Variants in SLC25A46 observed in about 807,000 individuals in gnomAD.
SLC25A46 encodes the protein mitochondrial outer membrane protein SLC25A46.
A neutral mutation model predicts 44.6 loss-of-function variants in SLC25A46; 39 were observed. That is an observed-to-expected ratio of 0.87 (90% confidence interval 0.68 to 1.14). The LOEUF (loss-of-function observed/expected upper bound fraction) is 1.14. Ranked by LOEUF, SLC25A46 falls within the 50% of genes most tolerant of loss-of-function variation. The pLI is 0.00. For synonymous variants in SLC25A46, 202 were observed against 185.8 expected, an observed-to-expected ratio of 1.09 and a Z score of -0.71; for missense variants, 547 against 522.7, an observed-to-expected ratio of 1.05 and a Z score of -0.45.
intron 1 of SLC25A46, among the ~76,000 whole-genome samples, chr5:110,740,416 C>A (rs1799633341): frequency 6.6e-6 from 1 of 152,056 alleles, no homozygotes; most frequent in Non-Finnish European, 1.5e-5. Context: ...AGCTAATTGT[C>A]ATACAATTAG....
intron 4 of SLC25A46, among the ~76,000 whole-genome samples, 178 bp downstream of exon 4, chr5:110,746,524 G>C (rs1014300515): frequency 5.3e-5 from 8 of 152,176 alleles, no homozygotes; most frequent in African/African-American, 1.9e-4. Context: ...TTTAGCAAAA[G>C]TACAATTTAA....
rs1427045864 is a variant in SLC25A46 at position 110,762,473 on chromosome 5, T to G, written c.*691T>G. Reference sequence around the variant, plus strand: ...AAAACAAAGTCACGCGCTTTCTGCTTGAACATCAAAATATCAAAAACCAAG... The same window carrying G: ...AAAACAAAGTCACGCGCTTTCTGCTGGAACATCAAAATATCAAAAACCAAG... On this transcript the variant is annotated 3_prime_UTR_variant, in exon 8 of 8. Coordinates refer to ENST00000355943, the MANE Select transcript of SLC25A46 (RefSeq NM_138773.4). The G allele has an allele frequency of 6.6e-6, 1 of 151,722 alleles. No homozygotes were observed. Among genetic ancestry groups the G allele is most frequent in the Non-Finnish European group, 1.5e-5 (1 of 67,888 alleles). The allele number at this position is 151,722 out of a possible 1,614,324, so 9.4% of individuals were successfully genotyped here. A position where few individuals can be genotyped will look rare whatever the true frequency, so the allele number is the denominator to read the frequency against.
upstream of SLC25A46, chr5:110,738,152 C>T (rs978183162): frequency 1.7e-6 from 2 of 1,159,796 alleles, no homozygotes; most frequent in Admixed American, 3.1e-5. Flanking sequence ...CCTGGGCTTC[C>T]AACGAGTTGA....
At chr5:110,758,560 C>G (rs1261482451) in intron 7 of SLC25A46, among the ~76,000 whole-genome samples, 1 of 151,794 alleles carries the variant, frequency 6.6e-6, no homozygotes, top group Non-Finnish European at 1.5e-5. Flanking sequence ...CCTAGGTGGG[C>G]GGATCATGAG....
intron 5 of SLC25A46, 73 bp downstream of exon 5, chr5:110,748,336 C>T: frequency 3.3e-6 from 4 of 1,203,656 alleles, no homozygotes; most frequent in Non-Finnish European, 4.9e-6. Flanking sequence ...GGTACATGTG[C>T]AGGCTTGTTA....
At chr5:110,756,495 A>AT (rs1279986282) in intron 6 of SLC25A46, among the ~76,000 whole-genome samples, 12 of 152,070 alleles carry the variant, frequency 7.9e-5, no homozygotes, top group South Asian at 2.1e-4. Context: ...TTATCATTTG[A>AT]TTTTTTCATC....
rs1229680117 is a variant in SLC25A46, at chr5:110,761,595, A to C, written c.1070A>C (p.Tyr357Ser). 1.9e-6 allele frequency: 3 copies of C among 1,613,664 alleles called. No individual in the cohort carries two copies. In the African/African-American group the frequency reaches 4.0e-5, roughly 22 times the overall value. The change falls in exon 8 of 8, where the codon TAT becomes TCT. Residue 357 changes from tyrosine (Y) to serine (S), a missense_variant. Transcript: ENST00000355943. The surrounding 1 kb of genome is among the most constrained non-coding windows in gnomAD (Gnocchi z 5.3). ...RTIIDNTDLG[Y>S]EVLPINTQYE... ...ATAATTGACAATACAGACCTTGGCT[A>C]TGAAGTGCTTCCAATTAATACACAA...
intron 2 of SLC25A46, among the ~76,000 whole-genome samples, chr5:110,742,398 C>T (rs1254367511): frequency 6.6e-6 from 1 of 151,966 alleles, no homozygotes; most frequent in Non-Finnish European, 1.5e-5. Context: ...ATCTCTCTCC[C>T]ATCAAAATAA....
Position 110,739,064 on chromosome 5 carries a change from G to C in SLC25A46, c.-56G>C. 1.3e-6 allele frequency: 2 copies of C among 1,526,746 alleles called. No homozygotes were observed. The highest frequency in any genetic ancestry group is 2.1e-5 in the Admixed American group (1 of 46,964). The allele number at this position is 1,526,746 out of a possible 1,614,324, so 94.6% of individuals were successfully genotyped here. ...GGAAGCTGTGTGTGCTTAGGTCGTG[G>C]TGGCCCCGGTGGTGGTGGGCTCCGG... On this transcript the variant is annotated 5_prime_UTR_variant, in exon 1 of 8. Coordinates refer to ENST00000355943, the MANE Select transcript of SLC25A46 (RefSeq NM_138773.4).
At chr5:110,738,318 T>TTA (rs1424908699), upstream of SLC25A46, 1 of 1,177,854 alleles carries the variant, frequency 8.5e-7, no homozygotes, top group African/African-American at 1.6e-5. Flanking sequence ...ACGATATAAC[T>TTA]GGGATTTCAA....
At position 110,761,593 on chromosome 5, in the gene SLC25A46, C is replaced by T. The variant is rs1580871049; in HGVS notation, c.1068C>T (p.Gly356=). The T allele has an allele frequency of 1.9e-6, 3 of 1,613,710 alleles. No homozygotes were observed. The highest frequency in any genetic ancestry group is 2.5e-6 in the Non-Finnish European group (3 of 1,179,766). The part of the protein sequence containing the change: ...TRTIIDNTDL[G]YEVLPINTQY... Reference sequence around the variant, plus strand: ...CAATAATTGACAATACAGACCTTGGCTATGAAGTGCTTCCAATTAATACAC... The same window carrying T: ...CAATAATTGACAATACAGACCTTGGTTATGAAGTGCTTCCAATTAATACAC... Residue 356 remains glycine (G), a synonymous_variant, in exon 8 of 8, where the codon GGC becomes GGT. Transcript: ENST00000355943. The surrounding 1 kb of genome is among the most constrained non-coding windows in gnomAD (Gnocchi z 5.3).
At chr5:110,757,174 AG>A (rs1419954073) in intron 7 of SLC25A46, 1 of 154,760 alleles carries the variant, frequency 6.5e-6, no homozygotes, top group Non-Finnish European at 1.4e-5. Context: ...TTGTCCCCAC[AG>A]GTAGTTTACT....
At chr5:110,757,106 T>C (rs1800136717) in intron 7 of SLC25A46, 1 of 171,912 alleles carries the variant, frequency 5.8e-6, no homozygotes, top group Non-Finnish European at 1.2e-5. Flanking sequence ...CATTGGACAG[T>C]AAATTAATAA....
intron 5 of SLC25A46, chr5:110,755,006 C>G (rs1436301457): frequency 1.3e-5 from 2 of 152,648 alleles, no homozygotes; most frequent in African/African-American, 4.8e-5. Flanking sequence ...TGTAATTGTA[C>G]TAAGTAAAGA....
intron 5 of SLC25A46, among the ~76,000 whole-genome samples, chr5:110,752,776 G>A (rs537720309): frequency 2.6e-5 from 4 of 152,274 alleles, no homozygotes; most frequent in Admixed American, 6.5e-5. Context: ...GGAGTTGTCT[G>A]TAGGCACATG....
In SLC25A46 at chr5:110,763,664, C is replaced by T. The variant is rs145495170; in HGVS notation, c.*1882C>T. Reference sequence around the variant, plus strand: ...AAAATCTGTAGGATCCTTTGTTTAGCTAAAAATTAAATATTTCAGGATATT... The same window carrying T: ...AAAATCTGTAGGATCCTTTGTTTAGTTAAAAATTAAATATTTCAGGATATT... On this transcript the variant is annotated 3_prime_UTR_variant, in exon 8 of 8. Transcript: ENST00000355943. The T allele has an allele frequency of 3.6e-3, 551 of 151,670 alleles. 3 individuals carry two copies. Among genetic ancestry groups the T allele is most frequent in the African/African-American group, 0.01 (429 of 41,422 alleles). 9.4% of individuals were successfully genotyped at this position (151,670 alleles called of 1,614,324 possible). A position where few individuals can be genotyped will look rare whatever the true frequency, so the allele number is the denominator to read the frequency against.
chr5:110,748,253 C>A lies in SLC25A46; in HGVS notation c.553C>A (p.Pro185Thr), dbSNP rs1287010552. Residue 185 changes from proline to threonine, a missense_variant, in exon 5 of 8, where the codon CCT (proline) becomes ACT (threonine). By Grantham distance (38) the Pro-to-Thr change is conservative. Coordinates refer to ENST00000355943, the MANE Select transcript of SLC25A46 (RefSeq NM_138773.4). ...GAEGIISEFTPLPREVLHKWS... is the reference protein window; with the variant it reads ...GAEGIISEFTTLPREVLHKWS... ...AGAAGGCATAATTAGTGAATTTACA[C>A]CTTTGCCAAGGTACCATTTTTAGCA... 1.9e-6 allele frequency: 3 copies of A among 1,612,774 alleles called. No homozygotes were observed. The African/African-American group carries it at 4.0e-5, about 22-fold the overall frequency.
chr5:110,756,666 T>G (rs1800120839), intron 6 of SLC25A46, 36 bp from the exon 7 acceptor site: 1 of 1,421,178 alleles, frequency 7.0e-7, no homozygotes, highest in Non-Finnish European at 9.6e-7. Flanking sequence ...AGCATCTTGT[T>G]TCAGTATACT....
At chr5:110,747,476 C>T (rs951136489) in intron 4 of SLC25A46, among the ~76,000 whole-genome samples, 12 of 152,052 alleles carry the variant, frequency 7.9e-5, no homozygotes, top group Non-Finnish European at 1.3e-4. Context: ...GAAAAGGAGA[C>T]AGACTTTTCA....
Sources: allele counts gnomAD v4.1 joint callset (sites outside exome capture counted in the v4.1 genomes callset), GRCh38; gene constraint gnomAD v4.1.1; non-coding constraint Gnocchi (gnomAD v3.1); transcripts MANE v1.5; gene names NCBI Gene and HGNC (gene_info 2026-07-23, HGNC 2026-07-21).